The following AKAP19 variants were observed in gnomAD, a reference collection of about 807,000 sequenced individuals.
AKAP19 encodes the protein A-kinase anchoring protein 19.
the AKAP19 span, among the ~76,000 whole-genome samples, chr2:189,953,705 T>C: frequency 6.6e-6 from 1 of 151,312 alleles, no homozygotes; most frequent in South Asian, 2.1e-4. Context: ...CCCAACAATC[T>C]ATGAGGTGAT....
the AKAP19 span, among the ~76,000 whole-genome samples, chr2:190,156,749 G>T: frequency 2.6e-5 from 4 of 152,148 alleles, no homozygotes; most frequent in Admixed American, 2.0e-4. Context: ...AAAATTGACA[G>T]TGAAAATTGC....
chr2:190,183,493 T>C, the AKAP19 span, among the ~76,000 whole-genome samples: 25 of 152,216 alleles, frequency 1.6e-4, no homozygotes, highest in Non-Finnish European at 2.8e-4. Flanking sequence ...TGTTAGTTCC[T>C]AGAAATCCGC....
At chr2:190,056,380 C>CTGCAGT in the AKAP19 span, 6 of 150,730 alleles carry the variant, frequency 4.0e-5, no homozygotes, top group Non-Finnish European at 8.9e-5. Context: ...ACCATAAAAA[C>CTGCAGT]TGCAGTGTTG....
At chr2:189,932,121 A>G in the AKAP19 span, among the ~76,000 whole-genome samples, 1 of 152,192 alleles carries the variant, frequency 6.6e-6, no homozygotes, top group Non-Finnish European at 1.5e-5. Flanking sequence ...ATCTTTATCC[A>G]TGTGACCAAC....
the AKAP19 span, among the ~76,000 whole-genome samples, chr2:189,889,486 T>G: frequency 1.3e-5 from 2 of 152,200 alleles, no homozygotes; most frequent in African/African-American, 4.8e-5. Flanking sequence ...TTGTTTGGAA[T>G]AGTTTCAGAA....
chr2:189,945,954 G>A, the AKAP19 span, among the ~76,000 whole-genome samples: 3 of 152,286 alleles, frequency 2.0e-5, no homozygotes, highest in Non-Finnish European at 2.9e-5. Flanking sequence ...ACATACTATA[G>A]TTGCTACTTG....
chr2:190,057,722 T>C, the AKAP19 span: 5 of 1,421,400 alleles, frequency 3.5e-6, no homozygotes, highest in Admixed American at 1.7e-5. Flanking sequence ...ATTGTTGAAG[T>C]AATAAACTAA....
the AKAP19 span, among the ~76,000 whole-genome samples, chr2:189,903,040 A>G: frequency 6.6e-6 from 1 of 152,014 alleles, no homozygotes; most frequent in Non-Finnish European, 1.5e-5. Context: ...ATATCTTAAA[A>G]TAGTTTTTTA....
the AKAP19 span, among the ~76,000 whole-genome samples, chr2:189,950,126 C>G: frequency 7.3e-6 from 1 of 137,802 alleles, no homozygotes; most frequent in East Asian, 2.4e-4. Context: ...CTCCCAGATT[C>G]AAGTGATTCT....
the AKAP19 span, among the ~76,000 whole-genome samples, chr2:189,947,798 T>G: frequency 1.3e-5 from 2 of 152,112 alleles, no homozygotes; most frequent in African/African-American, 4.8e-5. Context: ...AGCTGACTTT[T>G]AGTGATTTCC....
chr2:190,062,529 A>T, the AKAP19 span: 1 of 1,613,410 alleles, frequency 6.2e-7, no homozygotes, highest in Non-Finnish European at 8.5e-7. Flanking sequence ...GTTCTCATTT[A>T]GATCCACTGG....
chr2:189,914,703 G>A, the AKAP19 span, among the ~76,000 whole-genome samples: 1 of 151,710 alleles, frequency 6.6e-6, no homozygotes, highest in Non-Finnish European at 1.5e-5. Context: ...TTGAGGAACA[G>A]TTCTATTAGC....
the AKAP19 span, among the ~76,000 whole-genome samples, chr2:190,117,901 C>T: frequency 2.0e-5 from 3 of 152,176 alleles, no homozygotes; most frequent in South Asian, 2.1e-4. Flanking sequence ...TGGTTGCTAA[C>T]GTAGGCTGCT....
the AKAP19 span, among the ~76,000 whole-genome samples, chr2:190,134,886 A>G: frequency 0.015 from 2,236 of 151,978 alleles, 54 homozygotes; most frequent in African/African-American, 0.051. Flanking sequence ...GTGCATAAAT[A>G]TTTTTCTTTA....
At chr2:190,117,643 A>G in the AKAP19 span, among the ~76,000 whole-genome samples, 3 of 152,244 alleles carry the variant, frequency 2.0e-5, no homozygotes, top group Non-Finnish European at 4.4e-5. Flanking sequence ...AACAAAAACA[A>G]TGCCCAATCC....
the AKAP19 span, among the ~76,000 whole-genome samples, chr2:190,132,118 A>G: frequency 1.3e-5 from 2 of 152,242 alleles, no homozygotes; most frequent in South Asian, 2.1e-4. Context: ...AAAGAACTGT[A>G]CACCGAAAGC....
chr2:190,120,934 A>G, the AKAP19 span, among the ~76,000 whole-genome samples: 2 of 152,180 alleles, frequency 1.3e-5, no homozygotes, highest in African/African-American at 4.8e-5. Flanking sequence ...GAGATCTGAC[A>G]TATAGTAGGT....
the AKAP19 span, among the ~76,000 whole-genome samples, chr2:190,011,050 C>CTTTTTTTTTTTTTTTTTTTTTT: frequency 1.7e-5 from 1 of 59,576 alleles, no homozygotes; most frequent in Non-Finnish European, 3.3e-5. Context: ...CTCTCTCTCT[C>CTTTTTTTTTTTTTTTTTTTTTT]TTTTTTTTTT....
At chr2:190,117,612 A>G in the AKAP19 span, among the ~76,000 whole-genome samples, 2 of 152,360 alleles carry the variant, frequency 1.3e-5, no homozygotes, top group Non-Finnish European at 2.9e-5. Context: ...AATGCCCATC[A>G]CCCACTGCTT....
Sources: gnomAD v4.1 joint callset for allele counts (sites outside exome capture counted in the v4.1 genomes callset) on GRCh38, gnomAD v4.1.1 for gene constraint, MANE v1.5 for transcripts, NCBI Gene and HGNC (gene_info 2026-07-23, HGNC 2026-07-21) for gene names.